The following SCAPER variants were observed in gnomAD, a reference collection of about 807,000 sequenced individuals.
The protein encoded by SCAPER is S-phase cyclin A associated protein in the ER, also known as S phase cyclin A-associated protein in the endoplasmic reticulum.
SCAPER carries 98 observed loss-of-function variants against 182.2 expected under a neutral mutation model. The ratio of observed to expected loss-of-function variants is 0.54; its 90% CI spans 0.46 to 0.64. SCAPER has a LOEUF of 0.64. SCAPER is among the 30% of genes least tolerant of loss of function. The probability of loss-of-function intolerance (pLI) is 0.00; values close to 1 mark genes in which losing one functional copy is unlikely to be tolerated. For synonymous variants in SCAPER, 605 were observed against 564.6 expected, an observed-to-expected ratio of 1.07 and a Z score of -1.01; for missense variants, 1,432 against 1,690.0, an observed-to-expected ratio of 0.85 and a Z score of 2.68.
chr15:76,408,382 T>C (rs62028401), intron 26 of SCAPER, among the ~76,000 whole-genome samples: 12,752 of 152,174 alleles, frequency 0.084, 622 homozygotes, highest in African/African-American at 0.12. Flanking sequence ...TTTTTAATGA[T>C]TGAATAATAT....
chr15:76,507,401 T>C (rs144482284), intron 23 of SCAPER, among the ~76,000 whole-genome samples: 18 of 152,326 alleles, frequency 1.2e-4, no homozygotes, highest in Non-Finnish European at 2.2e-4. Context: ...CAACCCAGTC[T>C]GTGGCACTTT....
chr15:76,862,893 A>G (rs933192105), intron 2 of SCAPER, among the ~76,000 whole-genome samples: 2 of 152,198 alleles, frequency 1.3e-5, no homozygotes, highest in African/African-American at 4.8e-5. Flanking sequence ...TATTTCCCCT[A>G]AAAGACCTCT....
intron 29 of SCAPER, among the ~76,000 whole-genome samples, chr15:76,365,699 C>T (rs1169176074): frequency 6.6e-6 from 1 of 151,860 alleles, no homozygotes; most frequent in African/African-American, 2.4e-5. Flanking sequence ...TCTCTTTTAC[C>T]ATTGGGGCTG....
intron 22 of SCAPER, among the ~76,000 whole-genome samples, chr15:76,587,966 G>A (rs1461960660): frequency 3.3e-5 from 5 of 151,424 alleles, no homozygotes; most frequent in African/African-American, 1.2e-4. Context: ...CTGTCGCCCA[G>A]GCTGCAGTGC....
intron 5 of SCAPER, among the ~76,000 whole-genome samples, chr15:76,831,138 G>C (rs750139740): frequency 6.6e-6 from 1 of 152,146 alleles, no homozygotes; most frequent in Non-Finnish European, 1.5e-5. Flanking sequence ...AGCTACTATG[G>C]AGCATGGCCA....
At chr15:76,876,848 A>C (rs1429627132) in intron 2 of SCAPER, among the ~76,000 whole-genome samples, 1 of 152,234 alleles carries the variant, frequency 6.6e-6, no homozygotes, top group East Asian at 1.9e-4. Flanking sequence ...TAATAAGGTG[A>C]GAAAAAGAAT....
chr15:76,780,654 G>C (rs1334534864), intron 8 of SCAPER, among the ~76,000 whole-genome samples: 1 of 152,186 alleles, frequency 6.6e-6, no homozygotes, highest in South Asian at 2.1e-4. Flanking sequence ...ATGCAGGTGA[G>C]TGCCCTTCTG....
At chr15:76,623,954 T>C (rs2052343302) in intron 21 of SCAPER, among the ~76,000 whole-genome samples, 1 of 152,278 alleles carries the variant, frequency 6.6e-6, no homozygotes, top group Non-Finnish European at 1.5e-5. Context: ...AATACCATAG[T>C]TGATGGGCCA....
intron 20 of SCAPER, among the ~76,000 whole-genome samples, chr15:76,699,302 G>C (rs1361477819): frequency 2.6e-5 from 4 of 152,116 alleles, no homozygotes; most frequent in African/African-American, 9.7e-5. Context: ...GTACTATGTT[G>C]AATAGGAGTG....
chr15:76,436,891 G>A (rs1472314974), intron 25 of SCAPER, among the ~76,000 whole-genome samples: 1 of 152,156 alleles, frequency 6.6e-6, no homozygotes, highest in African/African-American at 2.4e-5. Context: ...TAAGTCTATT[G>A]TCCTGGGACA....
chr15:76,652,313 C>T (rs1187282790), intron 21 of SCAPER, among the ~76,000 whole-genome samples: 23 of 28,448 alleles, frequency 8.1e-4, no homozygotes, highest in Non-Finnish European at 1.3e-3. Flanking sequence ...TATATATACA[C>T]ACACACACAC....
At chr15:76,387,392 C>T (rs1251543675) in intron 27 of SCAPER, among the ~76,000 whole-genome samples, 1 of 152,142 alleles carries the variant, frequency 6.6e-6, no homozygotes, top group East Asian at 1.9e-4. Flanking sequence ...AGGTATATCT[C>T]CAGGGCTTAG....
At chr15:76,899,657 C>T (rs1010098750) in intron 1 of SCAPER, among the ~76,000 whole-genome samples, 6 of 151,878 alleles carry the variant, frequency 4.0e-5, no homozygotes, top group Admixed American at 6.6e-5. Context: ...TCTGCCTGGC[C>T]GCCCCGTCTG....
At chr15:76,836,192 G>A (rs2068935781) in intron 5 of SCAPER, among the ~76,000 whole-genome samples, 1 of 151,998 alleles carries the variant, frequency 6.6e-6, no homozygotes, top group African/African-American at 2.4e-5. Flanking sequence ...AACTACCAAT[G>A]TCATTTTTCA....
At chr15:76,566,744 T>A (rs2145236044) in intron 23 of SCAPER, among the ~76,000 whole-genome samples, 1 of 152,210 alleles carries the variant, frequency 6.6e-6, no homozygotes, top group African/African-American at 2.4e-5. Flanking sequence ...AATAAAAAAA[T>A]TTCTTCAATT....
chr15:76,435,346 T>G (rs2047130973), intron 25 of SCAPER, among the ~76,000 whole-genome samples: 1 of 152,238 alleles, frequency 6.6e-6, no homozygotes, highest in Non-Finnish European at 1.5e-5. Context: ...AAATTTTTGG[T>G]TTCACTGAGA....
In SCAPER at chr15:76,434,077, C is replaced by A; in HGVS notation, c.3311+1G>T. On this transcript the variant is annotated splice_donor_variant, in intron 26 of 31. Transcript: ENST00000563290. LOFTEE classifies it high-confidence loss of function. ...AGTTTTAAGAACTCTAGCAATTTTA[C>A]CTGATAAGGTCCTGAACTCGATTGT... 6.2e-7 allele frequency: 1 copy of A among 1,606,532 alleles called. No individual in the cohort carries two copies. Among genetic ancestry groups the A allele is most frequent in the Non-Finnish European group, 8.5e-7 (1 of 1,175,520 alleles).
At chr15:76,511,882 TATA>T (rs1245785605) in intron 23 of SCAPER, among the ~76,000 whole-genome samples, 11 of 116,552 alleles carry the variant, frequency 9.4e-5, no homozygotes, top group African/African-American at 3.3e-4. Flanking sequence ...TATATATATA[TATA>T]TTTTTTTTTT....
intron 17 of SCAPER, among the ~76,000 whole-genome samples, chr15:76,712,247 T>C (rs1314493260): frequency 6.6e-6 from 1 of 152,178 alleles, no homozygotes; most frequent in Admixed American, 6.6e-5. Flanking sequence ...CAGGTAGTTG[T>C]AGATATGCGG....
Sources: gnomAD v4.1 joint callset for allele counts (sites outside exome capture counted in the v4.1 genomes callset) on GRCh38, gnomAD v4.1.1 for gene constraint, MANE v1.5 for transcripts, NCBI Gene and HGNC (gene_info 2026-07-23, HGNC 2026-07-21) for gene names.